The following PCDHA7 variants were observed in gnomAD, a reference collection of about 807,000 sequenced individuals.
PCDHA7 encodes protocadherin alpha 7.
In PCDHA7, 37 loss-of-function variants were observed where a neutral mutation model predicts 57.2. The observed-to-expected ratio is 0.65, with a 90% CI of 0.50 to 0.85. The LOEUF (loss-of-function observed/expected upper bound fraction) is 0.85. PCDHA7 is among the 40% of genes least tolerant of loss of function. The pLI is 0.00. For missense variants in PCDHA7, 1,188 were observed against 1,241.8 expected, an observed-to-expected ratio of 0.96 and a Z score of 0.65; for synonymous variants, 553 against 558.8, an observed-to-expected ratio of 0.99 and a Z score of 0.15.
At chr5:140,991,590 G>A (rs1211923014) in intron 3 of PCDHA7, among the ~76,000 whole-genome samples, 2 of 152,098 alleles carry the variant, frequency 1.3e-5, no homozygotes, top group Non-Finnish European at 2.9e-5. Context: ...ATTTCTACCT[G>A]AGCCCTCACT....
chr5:140,857,740 G>A (rs1019130313), intron 1 of PCDHA7: 1 of 1,597,496 alleles, frequency 6.3e-7, no homozygotes, highest in African/African-American at 1.3e-5. Flanking sequence ...CTCCCGCGCT[G>A]CTGGCGTCTC....
chr5:140,986,897 T>A (rs534075146), intron 3 of PCDHA7, among the ~76,000 whole-genome samples: 13 of 152,086 alleles, frequency 8.5e-5, no homozygotes, highest in Non-Finnish European at 1.9e-4. Flanking sequence ...TTAGGCCCTA[T>A]CCTAGACTAA....
In PCDHA7 at chr5:140,836,658, T is replaced by C. The variant is rs2150267080; in HGVS notation, c.2275T>C (p.Cys759Arg). 1 of 1,613,298 alleles carries C rather than the reference T, an allele frequency of 6.2e-7. No homozygotes were observed. The highest frequency in any genetic ancestry group is 1.1e-5 in the South Asian group (1 of 91,058). The change falls in exon 1 of 4, where the codon TGC (cysteine) becomes CGC (arginine). Residue 759 changes from cysteine (C) to arginine (R), a missense_variant. Coordinates refer to ENST00000525929, the MANE Select transcript of PCDHA7 (RefSeq NM_018910.3). Reference protein sequence around the residue: ...SFSQQRRQRVCSGEGPPKTDL... With the variant: ...SFSQQRRQRVRSGEGPPKTDL... ...CTCCCAGCAGAGGCGGCAGAGGGTG[T>C]GCTCTGGGGAGGGCCCACCCAAGAC...
At chr5:141,001,723 A>G (rs936645287) in intron 3 of PCDHA7, among the ~76,000 whole-genome samples, 22 of 152,286 alleles carry the variant, frequency 1.4e-4, no homozygotes, top group African/African-American at 4.8e-4. Context: ...GGAGCTTGAG[A>G]TATTTTACAA....
At chr5:141,004,445 T>C (rs2098166676) in intron 3 of PCDHA7, among the ~76,000 whole-genome samples, 1 of 152,206 alleles carries the variant, frequency 6.6e-6, no homozygotes. Flanking sequence ...CTGAGTCATA[T>C]AGAACCAGGA....
In PCDHA7 at chr5:140,836,316, C is replaced by T. The variant is rs2150257543; in HGVS notation, c.1933C>T (p.His645Tyr). Residue 645 changes from histidine to tyrosine, a missense_variant, in exon 1 of 4, where the codon CAC becomes TAC. By Grantham distance (83) the His-to-Tyr change is moderately conservative. Transcript: ENST00000525929. ...RALDETDAPR[H>Y]RLLVLVKDHG... ...CCTAGATGAGACGGACGCACCGCGC[C>T]ACCGCCTTCTGGTGCTTGTGAAGGA... is the stretch of plus-strand genomic sequence containing the variant. 5 of 1,613,630 alleles carry T rather than the reference C, an allele frequency of 3.1e-6. No homozygotes were observed. The highest frequency in any genetic ancestry group is 4.2e-6 in the Non-Finnish European group (5 of 1,179,838).
rs1377152360 is a variant in PCDHA7 at position 140,834,601 on chromosome 5, A to T, written c.218A>T (p.Asp73Val). The T allele has an allele frequency of 6.2e-7, 1 of 1,613,930 alleles. No homozygotes were observed. Among genetic ancestry groups the T allele is most frequent in the Non-Finnish European group, 8.5e-7 (1 of 1,180,008 alleles). Residue 73 changes from aspartate to valine, a missense_variant, in exon 1 of 4, where the codon GAT (aspartate) becomes GTT (valine). Asp to Val is a radical substitution (Grantham distance 152, BLOSUM62 -3). Transcript: ENST00000525929. Reference sequence around the variant, plus strand: ...CGGGCGGTGTGCAAATTCCGTGGGGATCTTCTGGAGGTAAATCTGCAGAAT... The same window carrying T: ...CGGGCGGTGTGCAAATTCCGTGGGGTTCTTCTGGAGGTAAATCTGCAGAAT... ...LFRAVCKFRGDLLEVNLQNGI... is the reference protein window; with the variant it reads ...LFRAVCKFRGVLLEVNLQNGI...
At chr5:140,875,987 TAA>T (rs781909320) in intron 1 of PCDHA7, 4 of 1,613,914 alleles carry the variant, frequency 2.5e-6, no homozygotes, top group Admixed American at 1.7e-5. Context: ...ACCTATGCGT[TAA>T]GTCTAAATGA....
chr5:140,983,801 T>G (rs1386165689), intron 3 of PCDHA7, among the ~76,000 whole-genome samples: 1 of 152,214 alleles, frequency 6.6e-6, no homozygotes, highest in Non-Finnish European at 1.5e-5. Context: ...AATGTGTGTG[T>G]AAAAGGTTTT....
At chr5:141,007,227 A>G (rs1458505596) in intron 3 of PCDHA7, among the ~76,000 whole-genome samples, 1 of 151,972 alleles carries the variant, frequency 6.6e-6, no homozygotes, top group Non-Finnish European at 1.5e-5. Flanking sequence ...CAAAATAAGA[A>G]GGATTGTTGA....
rs2150527140 is a variant in PCDHA7 at position 140,853,018 on chromosome 5, A to G, written c.2355+16280A>G. 8 of 268,768 alleles carry G rather than the reference A, an allele frequency of 3.0e-5. No homozygotes were observed. In the East Asian group the frequency reaches 8.8e-4, roughly 30 times the overall value. 16.6% of individuals were successfully genotyped at this position (268,768 alleles called of 1,614,324 possible). A position where few individuals can be genotyped will look rare whatever the true frequency, so the allele number is the denominator to read the frequency against. ...CTCAGCCTCCCGAGTAGCTGGGACT[A>G]CAGGCGCCTGCCACCATGCCCGCCT... On this transcript the variant is annotated intron_variant, in intron 1 of 3. Coordinates refer to ENST00000525929, the MANE Select transcript of PCDHA7 (RefSeq NM_018910.3).
At chr5:140,851,730 T>G in intron 1 of PCDHA7, 1 of 971,134 alleles carries the variant, frequency 1.0e-6, no homozygotes, top group Non-Finnish European at 1.2e-6. Context: ...TTCGAGTTCT[T>G]TTGAAATTCA....
chr5:140,844,983 A>G (rs1554140802), intron 1 of PCDHA7, among the ~76,000 whole-genome samples: 1 of 149,210 alleles, frequency 6.7e-6, no homozygotes, highest in Admixed American at 6.7e-5. Flanking sequence ...ATTGTTTTAA[A>G]TCTTTTAATC....
intron 1 of PCDHA7, chr5:140,842,226 T>G (rs2150332205): frequency 6.2e-7 from 1 of 1,612,936 alleles, no homozygotes; most frequent in Non-Finnish European, 8.5e-7. Context: ...ACGGGAGAAA[T>G]AGTGATTCGG....
chr5:140,970,854 T>G (rs2096437899), intron 1 of PCDHA7, among the ~76,000 whole-genome samples: 1 of 152,148 alleles, frequency 6.6e-6, no homozygotes, highest in Non-Finnish European at 1.5e-5. Flanking sequence ...GCACAAAAGT[T>G]CCATTCCTGA....
At chr5:140,888,843 G>T (rs2153425504) in intron 1 of PCDHA7, among the ~76,000 whole-genome samples, 1 of 152,082 alleles carries the variant, frequency 6.6e-6, no homozygotes, top group East Asian at 1.9e-4. Context: ...ACTGCAGCCT[G>T]GTGACAGAGT....
chr5:140,963,856 C>T lies in PCDHA7; in HGVS notation c.2356-15093C>T, dbSNP rs76429225. 1.1e-4 allele frequency among the ~76,000 whole-genome samples: 16 copies of T among 152,242 alleles called. No individual in the cohort carries two copies. The East Asian group carries it at 2.5e-3, about 24-fold the overall frequency. On this transcript the variant is annotated intron_variant, in intron 1 of 3. Coordinates refer to ENST00000525929, the MANE Select transcript of PCDHA7 (RefSeq NM_018910.3). ...TTTCTCATGTAATCATAATAATAAC[C>T]GTATGAGTTTTGCTTACTATTGTTT... is the stretch of plus-strand genomic sequence containing the variant.
At chr5:140,838,741 G>A (rs2150292053) in intron 1 of PCDHA7, among the ~76,000 whole-genome samples, 3 of 152,088 alleles carry the variant, frequency 2.0e-5, no homozygotes, top group African/African-American at 7.2e-5. Flanking sequence ...TTTGAGACCA[G>A]CTTGTGCATC....
intron 1 of PCDHA7, chr5:140,858,779 C>T (rs771428982): frequency 5.0e-6 from 2 of 403,886 alleles, no homozygotes; most frequent in Non-Finnish European, 9.0e-6. Flanking sequence ...ATTAGTACTT[C>T]ATGTTATTTC....
Sources: gnomAD v4.1 joint callset for allele counts (sites outside exome capture counted in the v4.1 genomes callset) on GRCh38, gnomAD v4.1.1 for gene constraint, MANE v1.5 for transcripts, NCBI Gene and HGNC (gene_info 2026-07-23, HGNC 2026-07-21) for gene names.